The following RELCH variants were observed in gnomAD, a reference collection of about 807,000 sequenced individuals.
RELCH encodes the protein RAB11-binding protein RELCH.
In RELCH, 41 loss-of-function variants were observed where a neutral mutation model predicts 150.3. The ratio of observed to expected loss-of-function variants is 0.27; its 90% CI spans 0.21 to 0.35. The LOEUF (loss-of-function observed/expected upper bound fraction) is 0.35. Ranked by LOEUF, RELCH falls within the 10% of genes least tolerant of loss-of-function variation. The pLI, the probability that RELCH is intolerant of heterozygous loss-of-function variation, is 1.00. For synonymous variants in RELCH, 478 were observed against 531.8 expected, an observed-to-expected ratio of 0.90 and a Z score of 1.39; for missense variants, 1,092 against 1,467.8, an observed-to-expected ratio of 0.74 and a Z score of 4.18.
rs894579105 is a variant in RELCH, at chr18:62,305,648, T to G, written c.*114T>G. On this transcript the variant is annotated 3_prime_UTR_variant, in exon 29 of 29. Transcript: ENST00000644646. This position sits in a 1 kb window ranked among gnomAD's most constrained non-coding sequence, Gnocchi z 4.0. Reference sequence around the variant, plus strand: ...TCAGTTTTATGTTCTTGCATTATAATTTTATCCTAACCTCCAAAGATATTT... The same window carrying G: ...TCAGTTTTATGTTCTTGCATTATAAGTTTATCCTAACCTCCAAAGATATTT... 1.5e-4 allele frequency: 167 copies of G among 1,116,620 alleles called. No homozygotes were observed. Among genetic ancestry groups the G allele is most frequent in the Non-Finnish European group, 2.0e-4 (159 of 798,888 alleles). 69.2% of individuals were successfully genotyped at this position (1,116,620 alleles called of 1,614,324 possible).
chr18:62,302,869 A>G (rs1371597990), intron 28 of RELCH, among the ~76,000 whole-genome samples: 3 of 152,168 alleles, frequency 2.0e-5, no homozygotes, highest in African/African-American at 7.2e-5. Context: ...GTAATATAGG[A>G]CATGAATAGT....
At chr18:62,271,780 G>A (rs1291634247) in intron 20 of RELCH, among the ~76,000 whole-genome samples, 1 of 152,072 alleles carries the variant, frequency 6.6e-6, no homozygotes, top group African/African-American at 2.4e-5. Context: ...TGTAAGGAAG[G>A]GATCCAGTTT....
chr18:62,258,640 A>G lies in RELCH; in HGVS notation c.2166A>G (p.Ile722Met). Residue 722 changes from isoleucine (I) to methionine (M), a missense_variant, in exon 15 of 29, where the codon ATA becomes ATG. By Grantham distance (10) the Ile-to-Met change is conservative. Coordinates refer to ENST00000644646, the MANE Select transcript of RELCH (RefSeq NM_001346231.2). ...TELGNLQSHL[I>M]LTLLNKIEKL... ...TTGGAAATTTACAGTCTCATCTTAT[A>G]CTTACACTACTGAACAAGATTGAAA... The G allele has an allele frequency of 6.3e-7, 1 of 1,593,958 alleles. No individual in the cohort carries two copies. Among genetic ancestry groups the G allele is most frequent in the Non-Finnish European group, 8.5e-7 (1 of 1,174,302 alleles).
intron 23 of RELCH, chr18:62,280,426 T>G: frequency 6.2e-7 from 1 of 1,613,974 alleles, no homozygotes; most frequent in Non-Finnish European, 8.5e-7. Context: ...TGTTACCTTG[T>G]CCAGTGATCC....
At chr18:62,189,156 A>T (rs2038411368) in intron 1 of RELCH, among the ~76,000 whole-genome samples, 1 of 151,872 alleles carries the variant, frequency 6.6e-6, no homozygotes, top group South Asian at 2.1e-4. Flanking sequence ...ATGTAGGATA[A>T]TCTTCTTTTT....
At chr18:62,297,292 G>C (rs1242431137) in intron 27 of RELCH, among the ~76,000 whole-genome samples, 1 of 152,172 alleles carries the variant, frequency 6.6e-6, no homozygotes, top group Non-Finnish European at 1.5e-5. Context: ...GTTTTTGCCA[G>C]ATTTAACTTA....
intron 20 of RELCH, among the ~76,000 whole-genome samples, chr18:62,273,359 A>T (rs1007331823): frequency 7.9e-5 from 12 of 152,150 alleles, no homozygotes; most frequent in Admixed American, 7.2e-4. Flanking sequence ...TCTTAAAAGA[A>T]CACAGTAGTC....
chr18:62,278,251 A>C (rs1438336210), intron 22 of RELCH, among the ~76,000 whole-genome samples: 2 of 152,172 alleles, frequency 1.3e-5, no homozygotes, highest in African/African-American at 4.8e-5. Context: ...TGCTGATTCA[A>C]ATCTAAGCAA....
intron 20 of RELCH, among the ~76,000 whole-genome samples, chr18:62,273,373 ATTTTACTAAG>A (rs1568416057): frequency 6.6e-6 from 1 of 152,064 alleles, no homozygotes; most frequent in East Asian, 1.9e-4. Flanking sequence ...AGTAGTCTAT[ATTTTACTAAG>A]TGTGCAGTTT....
At chr18:62,207,799 C>A (rs2039905955) in intron 1 of RELCH, among the ~76,000 whole-genome samples, 2 of 152,178 alleles carry the variant, frequency 1.3e-5, no homozygotes, top group African/African-American at 4.8e-5. Flanking sequence ...CCAAAAGAAA[C>A]CCTGTACCTA....
chr18:62,207,760 C>T (rs1204986251), intron 1 of RELCH, among the ~76,000 whole-genome samples: 1 of 152,130 alleles, frequency 6.6e-6, no homozygotes. Context: ...CAACTGTCAC[C>T]ACTCTAATTC....
At chr18:62,276,564 AT>A (rs2044220043) in intron 22 of RELCH, among the ~76,000 whole-genome samples, 1 of 152,136 alleles carries the variant, frequency 6.6e-6, no homozygotes, top group African/African-American at 2.4e-5. Flanking sequence ...ATACCTAAAC[AT>A]TTATTTCTAT....
chr18:62,199,361 G>A (rs2039270777), intron 1 of RELCH, among the ~76,000 whole-genome samples: 1 of 151,168 alleles, frequency 6.6e-6, no homozygotes, highest in Non-Finnish European at 1.5e-5. Context: ...GTGTGTAGAT[G>A]TTTTAGCTGA....
chr18:62,257,823 G>A, intron 13 of RELCH, 125 bp from the exon 14 acceptor site: 1 of 711,744 alleles, frequency 1.4e-6, no homozygotes, highest in Non-Finnish European at 2.2e-6. Flanking sequence ...CAGTTAGTCA[G>A]CATTTTTAAT....
chr18:62,272,804 C>CAGCTCTT (rs753516063), intron 20 of RELCH, among the ~76,000 whole-genome samples: 6,512 of 152,022 alleles, frequency 0.043, 163 homozygotes, highest in South Asian at 0.071. Flanking sequence ...TCTTATTTCA[C>CAGCTCTT]ATTTAGGTTT....
At chr18:62,274,588 G>A (rs1042831043) in intron 21 of RELCH, among the ~76,000 whole-genome samples, 1 of 152,132 alleles carries the variant, frequency 6.6e-6, no homozygotes, top group African/African-American at 2.4e-5. Flanking sequence ...ATACCCTTCC[G>A]TATAGATGGT....
chr18:62,275,699 C>A, intron 22 of RELCH: 1 of 359,952 alleles, frequency 2.8e-6, no homozygotes, highest in Non-Finnish European at 5.0e-6. Context: ...GAATGTTATT[C>A]AATTATCACT....
chr18:62,221,603 A>T, intron 5 of RELCH, 106 bp downstream of exon 5: 1 of 498,654 alleles, frequency 2.0e-6, no homozygotes. Context: ...TATATAGTAA[A>T]ATTCTACAAG....
At position 62,220,340 on chromosome 18, in the gene RELCH, A is replaced by C. The variant is rs190559675; in HGVS notation, c.617-697A>C. Reference sequence around the variant, plus strand: ...TGTTTCTATCCTGTGGCTCTAAATGAAAAATAAAACCCTTGGGGTTTTGGA... The same window carrying C: ...TGTTTCTATCCTGTGGCTCTAAATGCAAAATAAAACCCTTGGGGTTTTGGA... On this transcript the variant is annotated intron_variant, in intron 2 of 28. Transcript: ENST00000644646. Among the ~76,000 whole-genome samples the C allele has an allele frequency of 7.3e-5, 11 of 150,126 alleles. No individual in the cohort carries two copies. In the East Asian group the frequency reaches 2.2e-3, roughly 30 times the overall value.
Sources: gnomAD v4.1 joint callset for allele counts (sites outside exome capture counted in the v4.1 genomes callset) on GRCh38, gnomAD v4.1.1 for gene constraint, Gnocchi (gnomAD v3.1) non-coding constraint, MANE v1.5 for transcripts, NCBI Gene and HGNC (gene_info 2026-07-23, HGNC 2026-07-21) for gene names.